The following DNAAF11 variants were observed in gnomAD, a reference collection of about 807,000 sequenced individuals.
DNAAF11 encodes the protein dynein axonemal assembly factor 11.
Under a neutral mutation model 60.8 loss-of-function variants are expected in DNAAF11, and 45 were observed. That is an observed-to-expected ratio of 0.74 (90% CI 0.58 to 0.95). The LOEUF (loss-of-function observed/expected upper bound fraction) is 0.95, where lower values mean the gene tolerates loss of function less well. DNAAF11 is among the 40% of genes least tolerant of loss of function. DNAAF11 has a pLI of 0.00. For synonymous variants in DNAAF11, 191 were observed against 183.5 expected, an observed-to-expected ratio of 1.04 and a Z score of -0.33; for missense variants, 546 against 546.2, an observed-to-expected ratio of 1.00 and a Z score of 0.00.
At position 132,611,316 on chromosome 8, in the gene DNAAF11, A is replaced by G; in HGVS notation, c.1022T>C (p.Val341Ala). ...LIDVDVQPTYVRVMIKGKPFQ... is the reference protein window; with the variant it reads ...LIDVDVQPTYARVMIKGKPFQ... ...TACCTTTCCTTTGATCATTACTCGC[A>G]CGTAAGTTGGTTGCACATCAACATC... The change falls in exon 9 of 12, where the codon GTG becomes GCG. Residue 341 changes from valine (V) to alanine (A), a missense_variant. By Grantham distance (64) the Val-to-Ala change is moderately conservative (BLOSUM62 0). Coordinates refer to ENST00000620350, the MANE Select transcript of DNAAF11 (RefSeq NM_012472.6). 6.2e-7 allele frequency: 1 copy of G among 1,612,394 alleles called. No individual in the cohort carries two copies. The highest frequency in any genetic ancestry group is 1.1e-5 in the South Asian group (1 of 91,008).
In DNAAF11 at chr8:132,571,597, G is replaced by A. The variant is rs2130923025; in HGVS notation, c.*709C>T. Among the ~76,000 whole-genome samples, 1 of 152,110 alleles carries A rather than the reference G, an allele frequency of 6.6e-6. No individual in the cohort carries two copies. The highest frequency in any genetic ancestry group is 1.9e-4 in the East Asian group (1 of 5,182). On this transcript the variant is annotated 3_prime_UTR_variant, in exon 12 of 12. Transcript: ENST00000620350. The stretch of plus-strand genomic sequence containing the variant: ...CAGGAGAAAGGGAGGAGAAGAGAGA[G>A]GAGAAAGGGAAGAAGGAGAGAGAGA...
the DNAAF11 span, among the ~76,000 whole-genome samples, chr8:132,682,038 A>G: frequency 2.0e-5 from 3 of 152,230 alleles, no homozygotes; most frequent in Admixed American, 1.3e-4. Flanking sequence ...GATACATCTC[A>G]GTTTGAGATG....
chr8:132,586,012 A>G (rs1315452051), intron 10 of DNAAF11, among the ~76,000 whole-genome samples: 1 of 152,190 alleles, frequency 6.6e-6, no homozygotes, highest in Non-Finnish European at 1.5e-5. Context: ...GTTGCTATTG[A>G]TTCCAGTTAT....
At chr8:132,677,139 CTG>C (rs1211745404), upstream of DNAAF11, among the ~76,000 whole-genome samples, 1 of 152,194 alleles carries the variant, frequency 6.6e-6, no homozygotes, top group Non-Finnish European at 1.5e-5. Flanking sequence ...ACACGTGACA[CTG>C]AGCACTGATG....
chr8:132,633,244 C>CTCACT (rs1820983366), intron 4 of DNAAF11, among the ~76,000 whole-genome samples: 1 of 151,974 alleles, frequency 6.6e-6, no homozygotes, highest in South Asian at 2.1e-4. Context: ...TTTATAATTG[C>CTCACT]TCACTATGTC....
intron 9 of DNAAF11, 122 bp downstream of exon 9, chr8:132,611,172 G>A (rs556253783): frequency 3.2e-5 from 20 of 624,930 alleles, no homozygotes; most frequent in Admixed American, 3.1e-4. Flanking sequence ...GGGATTACAG[G>A]CATGAGCCAC....
At chr8:132,593,205 C>T (rs1403119568) in intron 10 of DNAAF11, among the ~76,000 whole-genome samples, 3 of 151,206 alleles carry the variant, frequency 2.0e-5, no homozygotes, top group South Asian at 2.1e-4. Flanking sequence ...GTATCTCATA[C>T]GATGGAGAAA....
the DNAAF11 span, among the ~76,000 whole-genome samples, chr8:132,687,828 A>G: frequency 9.6e-3 from 1,463 of 152,316 alleles, 33 homozygotes; most frequent in African/African-American, 0.033. Flanking sequence ...AATTTACCAC[A>G]GAGCCCATTA....
chr8:132,701,219 T>C, the DNAAF11 span, among the ~76,000 whole-genome samples: 4 of 152,172 alleles, frequency 2.6e-5, no homozygotes, highest in African/African-American at 9.7e-5. Context: ...AACATAGCAC[T>C]GGGATACAGA....
intron 3 of DNAAF11, among the ~76,000 whole-genome samples, chr8:132,648,265 A>G (rs1822610314): frequency 6.6e-6 from 1 of 152,194 alleles, no homozygotes; most frequent in African/African-American, 2.4e-5. Context: ...AAACCACATG[A>G]TTATCTCAAT....
At chr8:132,698,955 TAC>T in the DNAAF11 span, among the ~76,000 whole-genome samples, 5 of 59,404 alleles carry the variant, frequency 8.4e-5, no homozygotes, top group East Asian at 1.1e-3. Flanking sequence ...TATATATATA[TAC>T]ACACACACAC....
intron 3 of DNAAF11, among the ~76,000 whole-genome samples, chr8:132,642,270 C>T (rs1200656670): frequency 6.6e-6 from 1 of 152,164 alleles, no homozygotes; most frequent in African/African-American, 2.4e-5. Context: ...TTATTCAATC[C>T]TAACATCATG....
At chr8:132,665,182 T>C (rs185626568) in intron 1 of DNAAF11, among the ~76,000 whole-genome samples, 1 of 152,094 alleles carries the variant, frequency 6.6e-6, no homozygotes, top group African/African-American at 2.4e-5. Context: ...GCTGAGGAAA[T>C]TGTTGTTACA....
At position 132,572,192 on chromosome 8, in the gene DNAAF11, A is replaced by G. The variant is rs1190900303; in HGVS notation, c.*114T>C. The G allele has an allele frequency of 1.5e-5, 12 of 791,852 alleles. No homozygotes were observed. Among genetic ancestry groups the G allele is most frequent in the South Asian group, 2.2e-5 (1 of 44,674 alleles). 49.1% of individuals were successfully genotyped at this position (791,852 alleles called of 1,614,324 possible). A position where few individuals can be genotyped will look rare whatever the true frequency, so the allele number is the denominator to read the frequency against. On this transcript the variant is annotated 3_prime_UTR_variant, in exon 12 of 12. Coordinates refer to ENST00000620350, the MANE Select transcript of DNAAF11 (RefSeq NM_012472.6). ...AAAGTAAGAGTTAAAACACTGGAGC[A>G]GCGATATTGACAAATAACTCTGTGT...
At chr8:132,624,342 A>T (rs1468060542) in intron 6 of DNAAF11, among the ~76,000 whole-genome samples, 2 of 152,186 alleles carry the variant, frequency 1.3e-5, no homozygotes, top group South Asian at 2.1e-4. Flanking sequence ...AACATCACAC[A>T]GAGGGTAATA....
intron 10 of DNAAF11, among the ~76,000 whole-genome samples, chr8:132,594,139 T>A (rs1390429007): frequency 6.6e-6 from 1 of 152,092 alleles, no homozygotes; most frequent in Non-Finnish European, 1.5e-5. Flanking sequence ...AAAAATCAGA[T>A]AAGGAATGAA....
the DNAAF11 span, among the ~76,000 whole-genome samples, chr8:132,682,691 T>C: frequency 6.6e-6 from 1 of 152,236 alleles, no homozygotes; most frequent in African/African-American, 2.4e-5. Context: ...CTTAGTTATT[T>C]TGTGTTGCTA....
intron 3 of DNAAF11, among the ~76,000 whole-genome samples, chr8:132,641,015 C>T (rs1272083571): frequency 6.6e-6 from 1 of 151,974 alleles, no homozygotes; most frequent in African/African-American, 2.4e-5. Context: ...AACAAGAATC[C>T]ATGAGTTCAT....
chr8:132,650,004 C>A (rs375203688), intron 3 of DNAAF11, among the ~76,000 whole-genome samples: 1 of 152,180 alleles, frequency 6.6e-6, no homozygotes, highest in Non-Finnish European at 1.5e-5. Flanking sequence ...TTGACCCAGC[C>A]ATCCCATTAC....
Sources: gnomAD v4.1 joint callset for allele counts (sites outside exome capture counted in the v4.1 genomes callset) on GRCh38, gnomAD v4.1.1 for gene constraint, MANE v1.5 for transcripts, NCBI Gene and HGNC (gene_info 2026-07-23, HGNC 2026-07-21) for gene names.